The following PIP5K1C variants were observed in gnomAD, a reference collection of about 807,000 sequenced individuals.
PIP5K1C encodes phosphatidylinositol 4-phosphate 5-kinase type-1 gamma.
In PIP5K1C, 45 loss-of-function variants were observed where a neutral mutation model predicts 80.1. The ratio of observed to expected loss-of-function variants is 0.56; its 90% CI spans 0.44 to 0.72. The LOEUF (loss-of-function observed/expected upper bound fraction) is 0.72, where lower values mean the gene tolerates loss of function less well. PIP5K1C is among the 30% of genes least tolerant of loss of function. PIP5K1C has a pLI of 0.00. For missense variants in PIP5K1C, 753 were observed against 954.6 expected (o/e 0.79, Z 2.78); for synonymous variants, 498 against 420.1 (o/e 1.19, Z -2.27).
Position 3,637,210 on chromosome 19 carries a change from C to A in PIP5K1C, c.1920+1674G>T, listed in dbSNP as rs2033723741. The A allele has an allele frequency of 7.0e-7, 1 of 1,434,714 alleles. No homozygotes were observed. The highest frequency in any genetic ancestry group is 9.1e-7 in the Non-Finnish European group (1 of 1,099,232). 88.9% of individuals were successfully genotyped at this position (1,434,714 alleles called of 1,614,324 possible). On this transcript the variant is annotated intron_variant, in intron 16 of 17. Transcript: ENST00000335312. This position sits in a 1 kb window ranked among gnomAD's most constrained non-coding sequence, Gnocchi z 7.0. ...CCCAAGACACCCTGACACGAGAGGG[C>A]TGGGTCCAGGGGCAGAGAGGGGCTC...
At chr19:3,645,916 A>C in intron 11 of PIP5K1C, 58 bp downstream of exon 11, 1 of 1,370,346 alleles carries the variant, frequency 7.3e-7, no homozygotes, top group Non-Finnish European at 1.0e-6. Context: ...CTCCTGCCCC[A>C]CGGCGCTCTG....
Position 3,633,538 on chromosome 19 carries a change from G to T in PIP5K1C, c.1921-18C>A. ...TCGGTGGGCTGGCAGGTGGGCGCGC[G>T]TGCAGGAGGGCGCGGAAGAGCAGGG... On this transcript the variant is annotated intron_variant, in intron 16 of 17. Coordinates refer to ENST00000335312, the MANE Select transcript of PIP5K1C (RefSeq NM_012398.3). The T allele has an allele frequency of 1.4e-6, 2 of 1,475,398 alleles. No individual in the cohort carries two copies. Among genetic ancestry groups the T allele is most frequent in the Non-Finnish European group, 9.0e-7 (1 of 1,106,872 alleles). The allele number at this position is 1,475,398 out of a possible 1,614,324, so 91.4% of individuals were successfully genotyped here.
At chr19:3,644,620 T>A (rs2034134952) in intron 11 of PIP5K1C, among the ~76,000 whole-genome samples, 1 of 152,192 alleles carries the variant, frequency 6.6e-6, no homozygotes, top group South Asian at 2.1e-4. Context: ...CACTTTCAGA[T>A]GGACACTGAC....
In PIP5K1C at chr19:3,632,874, C is replaced by T. The variant is rs530702233; in HGVS notation, c.*293G>A. 2 of 465,274 alleles carry T rather than the reference C, an allele frequency of 4.3e-6. No individual in the cohort carries two copies. Among genetic ancestry groups the T allele is most frequent in the South Asian group, 7.3e-5 (2 of 27,300 alleles). The allele number at this position is 465,274 out of a possible 1,614,324, so 28.8% of individuals were successfully genotyped here. ...TGTTTGTGTCTTTTTTGTTCTTTTC[C>T]TAAAACGGCACACACGTGCTTCCGT... is the stretch of plus-strand genomic sequence containing the variant. On this transcript the variant is annotated 3_prime_UTR_variant, in exon 18 of 18. Transcript: ENST00000335312.
intron 1 of PIP5K1C, among the ~76,000 whole-genome samples, chr19:3,671,504 CG>C (rs1168242433): frequency 6.6e-6 from 1 of 152,176 alleles, no homozygotes; most frequent in Non-Finnish European, 1.5e-5. Flanking sequence ...GCAGGCGGCT[CG>C]GGCCCTGCTG....
chr19:3,669,491 G>A (rs1051620492), intron 1 of PIP5K1C, among the ~76,000 whole-genome samples: 6 of 152,184 alleles, frequency 3.9e-5, no homozygotes, highest in African/African-American at 1.4e-4. Context: ...GTGTGGACTC[G>A]GGAGAGGGGA....
chr19:3,652,456 T>G (rs1009934102), intron 7 of PIP5K1C, among the ~76,000 whole-genome samples: 2 of 152,110 alleles, frequency 1.3e-5, no homozygotes, highest in Non-Finnish European at 2.9e-5. Flanking sequence ...GGCGGTTTTC[T>G]GGGGGTATGG....
chr19:3,638,164 G>A (rs879333756), intron 16 of PIP5K1C, among the ~76,000 whole-genome samples: 8 of 152,210 alleles, frequency 5.3e-5, no homozygotes, highest in Non-Finnish European at 1.2e-4. Context: ...CCCTCCCTGT[G>A]ACCTGGGGCT....
intron 1 of PIP5K1C, among the ~76,000 whole-genome samples, chr19:3,697,463 G>C (rs532600310): frequency 6.6e-6 from 1 of 150,614 alleles, no homozygotes; most frequent in Non-Finnish European, 1.5e-5. Context: ...GAGCTGGACC[G>C]AGGAGGACCG....
In PIP5K1C at chr19:3,637,954, C is replaced by T. The variant is rs761407915; in HGVS notation, c.1920+930G>A. The T allele has an allele frequency of 2.6e-5, 40 of 1,534,120 alleles. No individual in the cohort carries two copies. Among genetic ancestry groups the T allele is most frequent in the Middle Eastern group, 1.8e-4 (1 of 5,642 alleles). On this transcript the variant is annotated intron_variant, in intron 16 of 17. Coordinates refer to ENST00000335312, the MANE Select transcript of PIP5K1C (RefSeq NM_012398.3). The surrounding 1 kb of genome is among the most constrained non-coding windows in gnomAD (Gnocchi z 7.0). ...TGGGTAGGGGCACAGGCACGCGGCC[C>T]GTCCCTCCCTTCTCCAGGGCCAGGT... is the stretch of plus-strand genomic sequence containing the variant.
intron 4 of PIP5K1C, 139 bp downstream of exon 4, chr19:3,661,732 G>A (rs558484736): frequency 1.0e-6 from 1 of 954,812 alleles, no homozygotes; most frequent in Non-Finnish European, 1.6e-6. Flanking sequence ...ACGGACAGAG[G>A]GCCAGAGCTC....
chr19:3,639,355 CTCT>C (rs956598592), intron 15 of PIP5K1C, among the ~76,000 whole-genome samples: 22 of 152,222 alleles, frequency 1.4e-4, no homozygotes, highest in African/African-American at 4.1e-4. Flanking sequence ...CCTGTTCCTC[CTCT>C]GAGCCTCAGT....
At chr19:3,682,035 A>T (rs1328148420) in intron 1 of PIP5K1C, among the ~76,000 whole-genome samples, 1 of 151,930 alleles carries the variant, frequency 6.6e-6, no homozygotes, top group African/African-American at 2.4e-5. Context: ...ACCCCCACCA[A>T]TAGCACAGAG....
intron 8 of PIP5K1C, among the ~76,000 whole-genome samples, chr19:3,649,062 CAT>C (rs2034356929): frequency 1.3e-5 from 2 of 149,804 alleles, no homozygotes; most frequent in African/African-American, 4.9e-5. Flanking sequence ...CACCCGGCAC[CAT>C]GCCCACACGT....
chr19:3,652,303 T>C (rs988472402), intron 7 of PIP5K1C, among the ~76,000 whole-genome samples: 3 of 152,244 alleles, frequency 2.0e-5, no homozygotes, highest in Non-Finnish European at 4.4e-5. Context: ...CTTCCCTTCC[T>C]GGCTTTACTC....
At chr19:3,650,058 G>T in intron 8 of PIP5K1C, 1 of 160,582 alleles carries the variant, frequency 6.2e-6, no homozygotes, top group Non-Finnish European at 1.4e-5. Flanking sequence ...GGGGAGCTGT[G>T]CCTGGCCTTG....
chr19:3,689,272 G>A (rs1182480125), intron 1 of PIP5K1C, among the ~76,000 whole-genome samples: 2 of 152,180 alleles, frequency 1.3e-5, no homozygotes. Context: ...CATGCCCAGA[G>A]GCTCACAGGA....
chr19:3,653,105 A>G lies in PIP5K1C; in HGVS notation c.921+185T>C, dbSNP rs2074956. 0.1 allele frequency among the ~76,000 whole-genome samples: 15,295 copies of G among 152,280 alleles called. 1,258 individuals carry two copies. Among genetic ancestry groups the G allele is most frequent in the African/African-American group, 0.21 (8,927 of 41,536 alleles). Reference sequence around the variant, plus strand: ...GGCGTGAGCCACTGTGTCCGGCCACATTTTAGGTTAAGGCCATAAAAGCTT... The same window carrying G: ...GGCGTGAGCCACTGTGTCCGGCCACGTTTTAGGTTAAGGCCATAAAAGCTT... On this transcript the variant is annotated intron_variant, in intron 7 of 17. Coordinates refer to ENST00000335312, the MANE Select transcript of PIP5K1C (RefSeq NM_012398.3).
At position 3,696,682 on chromosome 19, in the gene PIP5K1C, C is replaced by T. The variant is rs917326913; in HGVS notation, c.94+3615G>A. 7.4e-6 allele frequency among the ~76,000 whole-genome samples: 1 copy of T among 134,576 alleles called. No homozygotes were observed. The highest frequency in any genetic ancestry group is 1.5e-5 in the Non-Finnish European group (1 of 65,512). The allele number at this position is 134,576 out of a possible 152,430, so 88.3% of individuals were successfully genotyped here. A position where few individuals can be genotyped will look rare whatever the true frequency, so the allele number is the denominator to read the frequency against. The stretch of plus-strand genomic sequence containing the variant: ...GCATGCTGGAGGAACAGCAAGGGGC[C>T]CATGGGCCTACAGCAGAGTGCAGAC... On this transcript the variant is annotated intron_variant, in intron 1 of 17. Transcript: ENST00000335312. The surrounding 1 kb of genome is among the most constrained non-coding windows in gnomAD (Gnocchi z 4.1).
Sources: gnomAD v4.1 joint callset for allele counts (sites outside exome capture counted in the v4.1 genomes callset) on GRCh38, gnomAD v4.1.1 for gene constraint, Gnocchi (gnomAD v3.1) non-coding constraint, MANE v1.5 for transcripts, NCBI Gene and HGNC (gene_info 2026-07-23, HGNC 2026-07-21) for gene names.